Variants in DUSP15 observed in about 807,000 individuals in gnomAD.
DUSP15 encodes dual specificity phosphatase 15.
A neutral mutation model predicts 26.3 loss-of-function variants in DUSP15; 23 were observed. The ratio of observed to expected loss-of-function variants is 0.87; its 90% CI spans 0.63 to 1.24. DUSP15 has a LOEUF of 1.24. DUSP15 is among the 50% of genes most tolerant of loss of function. DUSP15 has a pLI of 0.00. For missense variants in DUSP15, 364 were observed against 320.6 expected (o/e 1.14, Z -1.03); for synonymous variants, 143 against 135.5 (o/e 1.06, Z -0.39).
At chr20:31,856,267 A>C (rs1034545976), downstream of DUSP15, among the ~76,000 whole-genome samples, 1 of 151,998 alleles carries the variant, frequency 6.6e-6, no homozygotes, top group Non-Finnish European at 1.5e-5. Flanking sequence ...GAGGGGAGGG[A>C]GTGGAGACAG....
downstream of DUSP15, chr20:31,861,049 ATGAC>A: frequency 9.2e-7 from 1 of 1,084,850 alleles, no homozygotes; most frequent in Non-Finnish European, 1.1e-6. Flanking sequence ...CCTTTGTTGA[ATGAC>A]TGGGAGGCAC....
At chr20:31,869,126 C>T (rs567371068) in intron 2 of DUSP15, among the ~76,000 whole-genome samples, 4 of 152,288 alleles carry the variant, frequency 2.6e-5, no homozygotes, top group African/African-American at 7.2e-5. Flanking sequence ...CCAGCTTCCC[C>T]GCTAGAAGCA....
chr20:31,846,590 C>T (rs2062381291), downstream of DUSP15, among the ~76,000 whole-genome samples: 1 of 152,136 alleles, frequency 6.6e-6, no homozygotes, highest in Non-Finnish European at 1.5e-5. Flanking sequence ...CTGTGGTCTA[C>T]TGCCTTCTCC....
At chr20:31,848,339 A>G in exon 10 of DUSP15, 1 of 1,492,580 alleles carries the variant, frequency 6.7e-7, no homozygotes, top group South Asian at 1.3e-5. Flanking sequence ...GGAGGCCCCA[A>G]GTCTATGGGC....
At chr20:31,862,265 TCAAA>T (rs2062677448) in intron 6 of DUSP15, among the ~76,000 whole-genome samples, 1 of 151,848 alleles carries the variant, frequency 6.6e-6, no homozygotes, top group South Asian at 2.1e-4. Context: ...CCCGATGGGG[TCAAA>T]CACTCAAATC....
chr20:31,862,802 G>C, intron 5 of DUSP15, 60 bp from the exon 6 acceptor site: 5 of 1,498,344 alleles, frequency 3.3e-6, no homozygotes, highest in Non-Finnish European at 4.5e-6. Context: ...CATGCCCCCA[G>C]GCACCCCACC....
At chr20:31,849,431 G>C (rs2123172668) in intron 8 of DUSP15, 2 of 543,450 alleles carry the variant, frequency 3.7e-6, no homozygotes, top group East Asian at 7.5e-5. Context: ...CATCCCCCTG[G>C]GCCTGCATTT....
chr20:31,851,161 G>A (rs2062462741), intron 6 of DUSP15, among the ~76,000 whole-genome samples: 1 of 152,186 alleles, frequency 6.6e-6, no homozygotes. Context: ...TGATGAAGAT[G>A]TTGTAGGTAT....
intron 3 of DUSP15, among the ~76,000 whole-genome samples, chr20:31,866,745 A>G (rs1338177454): frequency 6.6e-6 from 1 of 152,210 alleles, no homozygotes; most frequent in East Asian, 1.9e-4. Flanking sequence ...ACAGTCATCC[A>G]TTTGGATTCA....
intron 6 of DUSP15, among the ~76,000 whole-genome samples, chr20:31,854,146 A>AAT (rs2062520438): frequency 6.7e-6 from 1 of 149,562 alleles, no homozygotes. Context: ...AGGGGGATTT[A>AAT]ACTGATGAAT....
chr20:31,870,535 G>A, upstream of DUSP15: 2 of 1,450,232 alleles, frequency 1.4e-6, no homozygotes, highest in Admixed American at 2.5e-5. The surrounding 1 kb of genome is among the most constrained non-coding windows in gnomAD (Gnocchi z 6.6). Flanking sequence ...AATGGTGGTG[G>A]AGCCGCCGCT....
chr20:31,858,496 C>G (rs1435051410), downstream of DUSP15, among the ~76,000 whole-genome samples: 1 of 152,226 alleles, frequency 6.6e-6, no homozygotes, highest in East Asian at 1.9e-4. This position sits in a 1 kb window ranked among gnomAD's most constrained non-coding sequence, Gnocchi z 4.4. Flanking sequence ...TTTGTCCCCT[C>G]TCTTGGGAGG....
At chr20:31,857,418 A>G (rs879155104), downstream of DUSP15, among the ~76,000 whole-genome samples, 1 of 151,914 alleles carries the variant, frequency 6.6e-6, no homozygotes, top group African/African-American at 2.4e-5. Flanking sequence ...TGACCTCCCA[A>G]AGTGGTAGGA....
chr20:31,857,448 C>A (rs2062578555), downstream of DUSP15, among the ~76,000 whole-genome samples: 1 of 152,038 alleles, frequency 6.6e-6, no homozygotes, highest in South Asian at 2.1e-4. Context: ...AGGCACAACT[C>A]CTGGCCACAA....
At chr20:31,854,451 TAAG>T (rs1337161960) in intron 6 of DUSP15, among the ~76,000 whole-genome samples, 1 of 152,110 alleles carries the variant, frequency 6.6e-6, no homozygotes, top group Admixed American at 6.5e-5. Flanking sequence ...CTTATTGTAT[TAAG>T]AATAACATGA....
chr20:31,864,185 G>A, intron 4 of DUSP15: 2 of 1,377,908 alleles, frequency 1.5e-6, no homozygotes, highest in Non-Finnish European at 1.9e-6. Flanking sequence ...ATTTCAGGCA[G>A]TGAGAGAGAC....
At chr20:31,850,544 T>A in intron 7 of DUSP15, 2 of 1,490,798 alleles carry the variant, frequency 1.3e-6, no homozygotes, top group South Asian at 2.4e-5. Context: ...AGAGGTGGGC[T>A]GGCCCCACCC....
intron 6 of DUSP15, among the ~76,000 whole-genome samples, chr20:31,850,975 C>T (rs1472663866): frequency 6.6e-6 from 1 of 152,194 alleles, no homozygotes; most frequent in African/African-American, 2.4e-5. Flanking sequence ...CTGTTCCCAC[C>T]AGTGCAGAGA....
downstream of DUSP15, chr20:31,845,597 G>A: frequency 6.3e-7 from 1 of 1,588,406 alleles, no homozygotes; most frequent in African/African-American, 1.3e-5. Context: ...AGCTTCCAGG[G>A]CTGGCGTCCG....
Sources: allele counts gnomAD v4.1 joint callset (sites outside exome capture counted in the v4.1 genomes callset), GRCh38; gene constraint gnomAD v4.1.1; non-coding constraint Gnocchi (gnomAD v3.1); transcripts MANE v1.5; gene names NCBI Gene and HGNC (gene_info 2026-07-23, HGNC 2026-07-21).